The following MAP2K5 variants were observed in gnomAD, a reference collection of about 807,000 sequenced individuals.
The protein encoded by MAP2K5 is dual specificity mitogen-activated protein kinase kinase 5.
In MAP2K5, 49 loss-of-function variants were observed where a neutral mutation model predicts 83.1. The ratio of observed to expected loss-of-function variants is 0.59; its 90% CI spans 0.47 to 0.75. MAP2K5 has a LOEUF of 0.75. Among genes scored for constraint, MAP2K5 ranks in the 30% least tolerant of loss-of-function variants. MAP2K5 has a pLI of 0.00. For missense variants in MAP2K5, 457 were observed against 557.5 expected (o/e 0.82, Z 1.82); for synonymous variants, 202 against 191.8 (o/e 1.05, Z -0.44).
At chr15:67,767,641 G>A (rs2090065569) in intron 19 of MAP2K5, among the ~76,000 whole-genome samples, 3 of 152,144 alleles carry the variant, frequency 2.0e-5, no homozygotes, top group Non-Finnish European at 4.4e-5. Context: ...GATATATATG[G>A]CTTTCCTAAA....
chr15:67,575,213 T>C (rs902897837), intron 3 of MAP2K5, among the ~76,000 whole-genome samples: 1 of 152,170 alleles, frequency 6.6e-6, no homozygotes, highest in Admixed American at 6.5e-5. Flanking sequence ...GTTGAAACTT[T>C]GAAGTGGCTA....
intron 17 of MAP2K5, among the ~76,000 whole-genome samples, chr15:67,739,881 G>T (rs1260234046): frequency 6.6e-6 from 1 of 152,114 alleles, no homozygotes; most frequent in Non-Finnish European, 1.5e-5. Flanking sequence ...ATATATCATG[G>T]TAAAAAAATG....
Position 67,638,481 on chromosome 15 carries a change from A to G in MAP2K5, c.585+7554A>G, listed in dbSNP as rs150488177. Among the ~76,000 whole-genome samples the G allele has an allele frequency of 9.2e-5, 14 of 152,160 alleles. No homozygotes were observed. Among genetic ancestry groups the G allele is most frequent in the African/African-American group, 3.1e-4 (13 of 41,430 alleles). ...TTTATCCAGTCTACCAGTGATGGGCATTTAGGTTGATTCCATGTCTTTGCT... is the reference window on the plus strand; with the variant it reads ...TTTATCCAGTCTACCAGTGATGGGCGTTTAGGTTGATTCCATGTCTTTGCT... On this transcript the variant is annotated intron_variant, in intron 9 of 21. Coordinates refer to ENST00000178640, the MANE Select transcript of MAP2K5 (RefSeq NM_145160.3). This position sits in a 1 kb window ranked among gnomAD's most constrained non-coding sequence, Gnocchi z 4.5.
At chr15:67,598,019 T>A (rs10851776) in intron 7 of MAP2K5, among the ~76,000 whole-genome samples, 152,240 of 152,262 alleles carry the variant, frequency 1, 76,109 homozygotes, top group Non-Finnish European at 1. Flanking sequence ...AGCCCGGATA[T>A]CATGGTGAAA....
intron 8 of MAP2K5, among the ~76,000 whole-genome samples, chr15:67,614,870 A>C (rs1350542077): frequency 6.6e-6 from 1 of 152,206 alleles, no homozygotes; most frequent in Admixed American, 6.5e-5. Context: ...AATCTAGCCA[A>C]GTTCCCTATA....
intron 8 of MAP2K5, chr15:67,628,042 T>C: frequency 5.5e-6 from 4 of 725,502 alleles, no homozygotes; most frequent in Non-Finnish European, 9.9e-6. Context: ...TATGCCCCTG[T>C]GGAGGCAGTG....
At chr15:67,611,553 A>C (rs1005707736) in intron 8 of MAP2K5, among the ~76,000 whole-genome samples, 3 of 152,164 alleles carry the variant, frequency 2.0e-5, no homozygotes, top group African/African-American at 7.2e-5. Context: ...ACATTTCTAC[A>C]GTGGGCGCCA....
intron 15 of MAP2K5, among the ~76,000 whole-genome samples, chr15:67,697,931 G>A (rs2088307696): frequency 6.6e-6 from 1 of 152,206 alleles, no homozygotes. Context: ...AAGCAGCAAT[G>A]TGCTTGTAGG....
At chr15:67,560,842 A>G (rs1381362529) in intron 2 of MAP2K5, among the ~76,000 whole-genome samples, 1 of 152,242 alleles carries the variant, frequency 6.6e-6, no homozygotes. Flanking sequence ...TCTAGCTTTG[A>G]GAAGTTGAAG....
At chr15:67,675,458 A>T (rs1270147858) in intron 13 of MAP2K5, among the ~76,000 whole-genome samples, 1 of 152,164 alleles carries the variant, frequency 6.6e-6, no homozygotes, top group African/African-American at 2.4e-5. Flanking sequence ...AGACAGAGGG[A>T]ATGTTTACAA....
chr15:67,739,721 T>C (rs1048640209), intron 17 of MAP2K5, among the ~76,000 whole-genome samples: 1 of 151,806 alleles, frequency 6.6e-6, no homozygotes, highest in Non-Finnish European at 1.5e-5. Context: ...CCTCAGGTGA[T>C]CCACCCACCT....
chr15:67,546,704 A>ATTCTCTCTC, intron 1 of MAP2K5: 1 of 660,240 alleles, frequency 1.5e-6, no homozygotes, highest in Non-Finnish European at 1.9e-6. Flanking sequence ...GATGAGAGAG[A>ATTCTCTCTC]ATGCCCAACC....
rs531629358 is a variant in MAP2K5 at position 67,724,403 on chromosome 15, A to G, written c.1045-3513A>G. Among the ~76,000 whole-genome samples the G allele has an allele frequency of 6.6e-6, 1 of 151,536 alleles. No homozygotes were observed. The highest frequency in any genetic ancestry group is 2.1e-4 in the South Asian group (1 of 4,800). On this transcript the variant is annotated intron_variant, in intron 16 of 21. Transcript: ENST00000178640. This position sits in a 1 kb window ranked among gnomAD's most constrained non-coding sequence, Gnocchi z 4.4. ...CTCGTTCTTTTTTATTTATTTATTT[A>G]TTTATTTTTTGAGTTAGGGTCTCAC...
intron 13 of MAP2K5, among the ~76,000 whole-genome samples, chr15:67,682,399 A>G (rs1348375877): frequency 6.6e-6 from 1 of 151,714 alleles, no homozygotes; most frequent in African/African-American, 2.4e-5. Flanking sequence ...AATTTTTTGT[A>G]TTTTTAGTAA....
chr15:67,744,726 C>T (rs2141269355), intron 17 of MAP2K5, among the ~76,000 whole-genome samples: 1 of 152,280 alleles, frequency 6.6e-6, no homozygotes, highest in Non-Finnish European at 1.5e-5. Flanking sequence ...ATCACCAGAG[C>T]CATTGGCTAA....
At position 67,746,311 on chromosome 15, in the gene MAP2K5, C is replaced by T. The variant is rs930617435; in HGVS notation, c.1075-1920C>T. ...TTCTCCTCAGAGAATGTTGTCATCC[C>T]CCTGACTCTTGGAAATTTGTGAAAC... is the stretch of plus-strand genomic sequence containing the variant. On this transcript the variant is annotated intron_variant, in intron 17 of 21. Transcript: ENST00000178640. The surrounding 1 kb of genome is among the most constrained non-coding windows in gnomAD (Gnocchi z 4.1). Among the ~76,000 whole-genome samples, 2 of 152,086 alleles carry T rather than the reference C, an allele frequency of 1.3e-5. No homozygotes were observed. The highest frequency in any genetic ancestry group is 4.8e-5 in the African/African-American group (2 of 41,390).
At chr15:67,648,341 G>A (rs1303044644) in intron 11 of MAP2K5, among the ~76,000 whole-genome samples, 1 of 152,098 alleles carries the variant, frequency 6.6e-6, no homozygotes, top group Non-Finnish European at 1.5e-5. Context: ...TGGCCTTTGT[G>A]TCTGGCTTCC....
intron 8 of MAP2K5, among the ~76,000 whole-genome samples, chr15:67,602,279 A>G (rs992145181): frequency 2.0e-5 from 3 of 152,226 alleles, no homozygotes; most frequent in East Asian, 1.9e-4. Context: ...AAGAAGGAAC[A>G]TGTATACTCT....
In MAP2K5 at chr15:67,755,222, C is replaced by T. The variant is rs1315327361; in HGVS notation, c.1134+6621C>T. 6.6e-6 allele frequency among the ~76,000 whole-genome samples: 1 copy of T among 152,134 alleles called. No individual in the cohort carries two copies. Among genetic ancestry groups the T allele is most frequent in the African/African-American group, 2.4e-5 (1 of 41,408 alleles). ...TCAAACTCCTGACCTCAAGTGATCG[C>T]CCGCCTCAGCCTCCCAAAGTGCTAA... On this transcript the variant is annotated intron_variant, in intron 19 of 21. Coordinates refer to ENST00000178640, the MANE Select transcript of MAP2K5 (RefSeq NM_145160.3). The surrounding 1 kb of genome is among the most constrained non-coding windows in gnomAD (Gnocchi z 4.7).
Sources: allele counts gnomAD v4.1 joint callset (sites outside exome capture counted in the v4.1 genomes callset), GRCh38; gene constraint gnomAD v4.1.1; non-coding constraint Gnocchi (gnomAD v3.1); transcripts MANE v1.5; gene names NCBI Gene and HGNC (gene_info 2026-07-23, HGNC 2026-07-21).